The following PARD3B variants were observed in gnomAD, a reference collection of about 807,000 sequenced individuals.
PARD3B encodes par-3 family cell polarity regulator beta, also known as partitioning defective 3 homolog B.
A neutral mutation model predicts 130.2 loss-of-function variants in PARD3B; 103 were observed. The observed-to-expected ratio is 0.79, with a 90% CI of 0.67 to 0.93. The LOEUF is 0.93. PARD3B is among the 40% of genes least tolerant of loss of function. The probability of loss-of-function intolerance (pLI) is 0.00; values close to 1 mark genes in which losing one functional copy is unlikely to be tolerated. For synonymous variants in PARD3B, 583 were observed against 553.2 expected, an observed-to-expected ratio of 1.05 and a Z score of -0.76; for missense variants, 1,609 against 1,499.2, an observed-to-expected ratio of 1.07 and a Z score of -1.21.
intron 1 of PARD3B, among the ~76,000 whole-genome samples, chr2:204,640,950 ATATT>A (rs1310566421): frequency 6.8e-6 from 1 of 147,900 alleles, no homozygotes; most frequent in African/African-American, 2.5e-5. Context: ...TATGTATAAT[ATATT>A]TACTGTATAT....
chr2:205,178,726 A>T (rs2035625626), intron 13 of PARD3B, among the ~76,000 whole-genome samples: 2 of 152,244 alleles, frequency 1.3e-5, no homozygotes, highest in East Asian at 3.8e-4. Context: ...CATCTAAATG[A>T]ACACTAAGTA....
intron 20 of PARD3B, among the ~76,000 whole-genome samples, chr2:205,475,901 T>C (rs1023085778): frequency 3.9e-5 from 6 of 152,284 alleles, no homozygotes; most frequent in Middle Eastern, 3.4e-3. Context: ...CCAATATGCT[T>C]CCAGGATTCC....
intron 2 of PARD3B, among the ~76,000 whole-genome samples, chr2:204,824,249 A>G (rs2043480663): frequency 6.6e-6 from 1 of 152,198 alleles, no homozygotes; most frequent in Non-Finnish European, 1.5e-5. Context: ...GGAGAATCCT[A>G]CAAGTACACT....
chr2:205,503,592 G>A (rs1315049483), intron 21 of PARD3B, among the ~76,000 whole-genome samples: 2 of 152,128 alleles, frequency 1.3e-5, no homozygotes, highest in African/African-American at 2.4e-5. Flanking sequence ...AGTATAGTTT[G>A]AAGTCAGGTA....
intron 2 of PARD3B, among the ~76,000 whole-genome samples, chr2:204,694,638 A>G (rs1171336119): frequency 6.6e-6 from 1 of 152,064 alleles, no homozygotes; most frequent in Non-Finnish European, 1.5e-5. Flanking sequence ...TCAACCTCAG[A>G]GAAGAATTTT....
intron 18 of PARD3B, among the ~76,000 whole-genome samples, chr2:205,343,877 C>T (rs575043434): frequency 6.6e-6 from 1 of 152,154 alleles, no homozygotes; most frequent in South Asian, 2.1e-4. Context: ...CCTGCTTTGG[C>T]CCCATATAAT....
chr2:204,796,645 T>TA (rs1459021923), intron 2 of PARD3B, among the ~76,000 whole-genome samples: 2 of 152,228 alleles, frequency 1.3e-5, no homozygotes, highest in Non-Finnish European at 2.9e-5. Context: ...AGGAGCACCC[T>TA]AACAAAATTA....
intron 8 of PARD3B, 121 bp from the exon 9 acceptor site, chr2:205,124,206 C>A: frequency 1.2e-6 from 1 of 843,480 alleles, no homozygotes; most frequent in Non-Finnish European, 1.7e-6. Flanking sequence ...TAAAATGTCC[C>A]AGAATGTAAA....
At chr2:204,712,334 T>G (rs1282930749) in intron 2 of PARD3B, among the ~76,000 whole-genome samples, 1 of 152,030 alleles carries the variant, frequency 6.6e-6, no homozygotes, top group African/African-American at 2.4e-5. Context: ...TTAAATAGGC[T>G]GGCCGCAGTG....
At chr2:205,305,347 AG>A (rs1380961131) in intron 18 of PARD3B, among the ~76,000 whole-genome samples, 1 of 152,206 alleles carries the variant, frequency 6.6e-6, no homozygotes, top group African/African-American at 2.4e-5. Context: ...GGCCTAGTGC[AG>A]GAGCTCAAAT....
At chr2:205,059,310 C>A (rs1190340970) in intron 4 of PARD3B, among the ~76,000 whole-genome samples, 1 of 151,978 alleles carries the variant, frequency 6.6e-6, no homozygotes, top group Admixed American at 6.6e-5. Context: ...ATATGCTTAG[C>A]TTTATCTCTA....
chr2:204,566,494 CT>C (rs2031679390), intron 1 of PARD3B, among the ~76,000 whole-genome samples: 1 of 152,032 alleles, frequency 6.6e-6, no homozygotes, highest in Non-Finnish European at 1.5e-5. Flanking sequence ...CTTTCAGTGG[CT>C]TTTTCTCTTC....
At chr2:205,586,401 A>G (rs903876640) in intron 22 of PARD3B, among the ~76,000 whole-genome samples, 1 of 152,200 alleles carries the variant, frequency 6.6e-6, no homozygotes, top group Non-Finnish European at 1.5e-5. Flanking sequence ...GAAGGCTATT[A>G]TTCCATTATG....
chr2:205,279,392 G>A (rs750328917), intron 16 of PARD3B, among the ~76,000 whole-genome samples: 1 of 152,044 alleles, frequency 6.6e-6, no homozygotes, highest in African/African-American at 2.4e-5. Context: ...TGGAGGACTC[G>A]TCCTATTCAT....
At position 205,292,699 on chromosome 2, in the gene PARD3B, C is replaced by CT. The variant is rs1343095579; in HGVS notation, c.2186-7824dup. On this transcript the variant is annotated intron_variant, in intron 16 of 22. Coordinates refer to ENST00000406610, the MANE Select transcript of PARD3B (RefSeq NM_001302769.2). The surrounding 1 kb of genome is among the most constrained non-coding windows in gnomAD (Gnocchi z 5.3). ...TATTTTATCCTGCCCATCCTCCCAC[C>CT]TTTTTTTCTAGTTTTCTCTCATCAT... Among the ~76,000 whole-genome samples, 1 of 152,134 alleles carries CT rather than the reference C, an allele frequency of 6.6e-6. No homozygotes were observed. Among genetic ancestry groups the CT allele is most frequent in the Non-Finnish European group, 1.5e-5 (1 of 68,034 alleles).
intron 3 of PARD3B, among the ~76,000 whole-genome samples, chr2:205,032,112 T>C (rs1292639369): frequency 6.6e-6 from 1 of 152,184 alleles, no homozygotes; most frequent in African/African-American, 2.4e-5. Flanking sequence ...TACAGTTTTG[T>C]ACCTGTGGCC....
intron 16 of PARD3B, among the ~76,000 whole-genome samples, chr2:205,285,898 C>T (rs887419804): frequency 4.6e-5 from 7 of 152,136 alleles, no homozygotes; most frequent in African/African-American, 1.4e-4. Context: ...GAGTCCACAT[C>T]CTGCAGATGT....
intron 4 of PARD3B, among the ~76,000 whole-genome samples, chr2:205,054,346 A>G (rs894357891): frequency 4.1e-5 from 6 of 145,484 alleles, no homozygotes; most frequent in Admixed American, 1.4e-4. Flanking sequence ...AAACTCTAAA[A>G]GAAGGATCAC....
rs570953455 is a variant in PARD3B, at chr2:205,076,978, C to G, written c.505-27448C>G. Among the ~76,000 whole-genome samples the G allele has an allele frequency of 2.0e-5, 3 of 152,280 alleles. No homozygotes were observed. In the South Asian group the frequency reaches 6.2e-4, roughly 32 times the overall value. On this transcript the variant is annotated intron_variant, in intron 4 of 22. Transcript: ENST00000406610. ...TGACTGCAGGATCATTTTGGAAGCA[C>G]CATCCACTAACATCCCATAGAAGAC...
Sources: allele counts gnomAD v4.1 joint callset (sites outside exome capture counted in the v4.1 genomes callset), GRCh38; gene constraint gnomAD v4.1.1; non-coding constraint Gnocchi (gnomAD v3.1); transcripts MANE v1.5; gene names NCBI Gene and HGNC (gene_info 2026-07-23, HGNC 2026-07-21).